The following CNTNAP4 variants were observed in gnomAD, a reference collection of about 807,000 sequenced individuals.
CNTNAP4 encodes the protein contactin associated protein family member 4.
CNTNAP4 carries 98 observed loss-of-function variants against 148.4 expected under a neutral mutation model. That is an observed-to-expected ratio of 0.66 (90% CI 0.56 to 0.78). CNTNAP4 has a LOEUF of 0.78. Among genes scored for constraint, CNTNAP4 ranks in the 30% least tolerant of loss-of-function variants. The probability of loss-of-function intolerance (pLI) is 0.00; values close to 1 mark genes in which losing one functional copy is unlikely to be tolerated. For synonymous variants in CNTNAP4, 730 were observed against 565.1 expected, an observed-to-expected ratio of 1.29 and a Z score of -4.14; for missense variants, 1,935 against 1,565.6, an observed-to-expected ratio of 1.24 and a Z score of -3.98.
In CNTNAP4 at chr16:76,461,982, C is replaced by T. The variant is rs1425750631; in HGVS notation, c.1360C>T (p.His454Tyr). 9 of 1,613,632 alleles carry T rather than the reference C, an allele frequency of 5.6e-6. No homozygotes were observed. The highest frequency in any genetic ancestry group is 7.6e-6 in the Non-Finnish European group (9 of 1,179,742). ...TGTCGAATTAAATGATGGGCAGTGG[C>T]ATTCTGTCTCTTTATCTGCTAAAAA... ...AGVELNDGQW[H>Y]SVSLSAKKNH... The change falls in exon 9 of 24, where the codon CAT becomes TAT. Residue 454 changes from histidine (H) to tyrosine (Y), a missense_variant. His to Tyr is a moderately conservative substitution (Grantham distance 83, BLOSUM62 2). Transcript: ENST00000611870.
intron 1 of CNTNAP4, among the ~76,000 whole-genome samples, chr16:76,289,407 A>T (rs1227051192): frequency 6.6e-6 from 1 of 152,184 alleles, no homozygotes; most frequent in African/African-American, 2.4e-5. Context: ...GAAGAAAAAT[A>T]AAATTCATTC....
At chr16:76,539,598 G>A (rs1395468599) in intron 19 of CNTNAP4, 121 bp from the exon 20 acceptor site, 2 of 784,798 alleles carry the variant, frequency 2.5e-6, no homozygotes, top group Non-Finnish European at 4.0e-6. Flanking sequence ...TTATAAAAAG[G>A]TATCTTCCAA....
rs774952319 is a variant in CNTNAP4 at position 76,431,847 on chromosome 16, G to C, written c.538+4248G>C. Among the ~76,000 whole-genome samples, 3 of 151,882 alleles carry C rather than the reference G, an allele frequency of 2.0e-5. No individual in the cohort carries two copies. The South Asian group carries it at 6.2e-4, about 32-fold the overall frequency. ...TTTGAACAACTGTCTGGAAGGGGCT[G>C]TCATTTACTAAGATGGGAAATGAGA... On this transcript the variant is annotated intron_variant, in intron 4 of 23. Transcript: ENST00000611870.
intron 4 of CNTNAP4, among the ~76,000 whole-genome samples, chr16:76,437,947 A>C (rs541248098): frequency 4.7e-4 from 72 of 152,264 alleles, no homozygotes; most frequent in African/African-American, 1.6e-3. Flanking sequence ...ATAAGTGTTA[A>C]ATAAAATATA....
intron 12 of CNTNAP4, among the ~76,000 whole-genome samples, chr16:76,488,099 T>C (rs1206312478): frequency 6.6e-6 from 1 of 152,194 alleles, no homozygotes. Context: ...GTCTAGTTAA[T>C]AATAACCTTA....
At chr16:76,349,614 A>T (rs759488133) in intron 2 of CNTNAP4, among the ~76,000 whole-genome samples, 16 of 151,966 alleles carry the variant, frequency 1.1e-4, no homozygotes, top group Non-Finnish European at 2.4e-4. Context: ...GCAAACTTGG[A>T]CTCTTGGGGA....
intron 3 of CNTNAP4, among the ~76,000 whole-genome samples, chr16:76,381,009 A>G (rs1250302860): frequency 6.6e-6 from 1 of 152,176 alleles, no homozygotes; most frequent in Non-Finnish European, 1.5e-5. Flanking sequence ...CAGGCTCTGC[A>G]CTTTCCCAAG....
At chr16:76,367,335 A>G (rs942728037) in intron 3 of CNTNAP4, among the ~76,000 whole-genome samples, 3 of 152,158 alleles carry the variant, frequency 2.0e-5, no homozygotes, top group African/African-American at 7.2e-5. Context: ...AGGACAATGT[A>G]AAGATACACA....
chr16:76,521,782 A>G (rs911438399), intron 16 of CNTNAP4, among the ~76,000 whole-genome samples: 1 of 150,000 alleles, frequency 6.7e-6, no homozygotes, highest in African/African-American at 2.5e-5. Context: ...GATAGGAAAA[A>G]TTAGCTCTGA....
intron 6 of CNTNAP4, 143 bp downstream of exon 6, chr16:76,449,094 A>C (rs527300508): frequency 1.2e-4 from 87 of 733,980 alleles, no homozygotes; most frequent in Non-Finnish European, 1.8e-4. Context: ...TCTAACTCAC[A>C]GTGGCAGCTT....
Position 76,558,369 on chromosome 16 carries a change from A to G in CNTNAP4, c.3734-121A>G, listed in dbSNP as rs185187007. The G allele has an allele frequency of 1.7e-3, 957 of 550,434 alleles. 7 individuals carry two copies. The highest frequency in any genetic ancestry group is 0.017 in the African/African-American group (890 of 51,968). 34.1% of individuals were successfully genotyped at this position (550,434 alleles called of 1,614,324 possible). A position where few individuals can be genotyped will look rare whatever the true frequency, so the allele number is the denominator to read the frequency against. Reference sequence around the variant, plus strand: ...AATACCTGAAGTTTTTATATTTCCAATTTATATGTAGTAGATGCTTAAAGT... The same window carrying G: ...AATACCTGAAGTTTTTATATTTCCAGTTTATATGTAGTAGATGCTTAAAGT... On this transcript the variant is annotated intron_variant, in intron 23 of 23. Transcript: ENST00000611870.
chr16:76,510,557 C>T (rs760614816), intron 15 of CNTNAP4, among the ~76,000 whole-genome samples: 1 of 151,762 alleles, frequency 6.6e-6, no homozygotes, highest in Non-Finnish European at 1.5e-5. Context: ...TAGGAACTGG[C>T]GTAATTTTTA....
At chr16:76,515,700 G>A (rs1319078568) in intron 15 of CNTNAP4, among the ~76,000 whole-genome samples, 1 of 152,066 alleles carries the variant, frequency 6.6e-6, no homozygotes, top group Non-Finnish European at 1.5e-5. Flanking sequence ...CAGATGGCAA[G>A]AAAGCACATG....
At chr16:76,497,906 A>G (rs894401989) in intron 14 of CNTNAP4, among the ~76,000 whole-genome samples, 4 of 152,336 alleles carry the variant, frequency 2.6e-5, no homozygotes, top group African/African-American at 9.6e-5. Flanking sequence ...GGGAAACAAA[A>G]GAAATAGCAA....
intron 15 of CNTNAP4, among the ~76,000 whole-genome samples, chr16:76,510,415 G>A (rs937806757): frequency 6.6e-6 from 1 of 150,856 alleles, no homozygotes; most frequent in Non-Finnish European, 1.5e-5. Flanking sequence ...GGACATTTGG[G>A]CTGGATCCAC....
intron 4 of CNTNAP4, among the ~76,000 whole-genome samples, chr16:76,435,330 A>T (rs1286075528): frequency 1.3e-5 from 2 of 152,168 alleles, no homozygotes; most frequent in Admixed American, 6.6e-5. Context: ...CACTGTGATT[A>T]ATTAGCCAAT....
intron 2 of CNTNAP4, among the ~76,000 whole-genome samples, chr16:76,317,912 CTG>C (rs1491551244): frequency 3.9e-5 from 6 of 152,182 alleles, no homozygotes; most frequent in African/African-American, 1.4e-4. Flanking sequence ...AGAGTGAGAA[CTG>C]AGATCCTTCT....
intron 2 of CNTNAP4, among the ~76,000 whole-genome samples, chr16:76,351,128 A>T (rs1369759615): frequency 6.6e-6 from 1 of 152,208 alleles, no homozygotes; most frequent in South Asian, 2.1e-4. Context: ...GTCAAATAAC[A>T]CTTAACTAGC....
chr16:76,285,601 T>G (rs1307179436), intron 1 of CNTNAP4, among the ~76,000 whole-genome samples: 1 of 152,076 alleles, frequency 6.6e-6, no homozygotes, highest in Admixed American at 6.6e-5. Flanking sequence ...CTGGCAATTA[T>G]GATACTTATA....
Sources: allele counts gnomAD v4.1 joint callset (sites outside exome capture counted in the v4.1 genomes callset), GRCh38; gene constraint gnomAD v4.1.1; transcripts MANE v1.5; gene names NCBI Gene and HGNC (gene_info 2026-07-23, HGNC 2026-07-21).